Variants in OGG1 observed in about 807,000 individuals in gnomAD.
OGG1 encodes the protein 8-oxoguanine DNA glycosylase, also known as N-glycosylase/DNA lyase.
Under a neutral mutation model 42.3 loss-of-function variants are expected in OGG1, and 35 were observed. That is an observed-to-expected ratio of 0.83 (90% CI 0.63 to 1.10). The LOEUF (loss-of-function observed/expected upper bound fraction) is 1.10, where lower values mean the gene tolerates loss of function less well. OGG1 is among the 50% of genes least tolerant of loss of function. OGG1 has a pLI of 0.00. For synonymous variants in OGG1, 189 were observed against 179.0 expected (o/e 1.06, Z -0.44); for missense variants, 484 against 446.7 (o/e 1.08, Z -0.75).
exon 8 of OGG1, chr3:9,766,666 A>T: frequency 5.8e-6 from 6 of 1,035,004 alleles, no homozygotes; most frequent in Non-Finnish European, 7.0e-6. Context: ...CTGATTAAAG[A>T]GGATTTGCTA....
chr3:9,760,793 A>G, downstream of OGG1: 1 of 1,613,532 alleles, frequency 6.2e-7, no homozygotes, highest in Non-Finnish European at 8.5e-7. Context: ...ACTCATCCTC[A>G]TTTCCACTTT....
intron 7 of OGG1, among the ~76,000 whole-genome samples, chr3:9,764,336 C>T (rs185252836): frequency 5.9e-5 from 9 of 152,104 alleles, no homozygotes; most frequent in Admixed American, 5.2e-4. Context: ...ACTCTTGTTG[C>T]TCAGGCTGGA....
downstream of OGG1, among the ~76,000 whole-genome samples, chr3:9,768,310 T>C (rs1559706943): frequency 6.6e-6 from 1 of 152,198 alleles, no homozygotes; most frequent in Non-Finnish European, 1.5e-5. Flanking sequence ...CTTTCTGCAC[T>C]GTTACCACAG....
exon 8 of OGG1, chr3:9,765,874 C>T: frequency 6.2e-7 from 1 of 1,614,112 alleles, no homozygotes. Flanking sequence ...GCCAGGATCA[C>T]CTCCGAGAAG....
At chr3:9,787,599 C>T (rs922256937) in intron 3 of OGG1, 27 of 1,102,504 alleles carry the variant, frequency 2.4e-5, no homozygotes, top group Admixed American at 7.5e-5. Flanking sequence ...GTGCAGAATA[C>T]GTACACAGAT....
chr3:9,788,410 TA>T (rs1414118811), downstream of OGG1, among the ~76,000 whole-genome samples: 1 of 152,012 alleles, frequency 6.6e-6, no homozygotes, highest in Non-Finnish European at 1.5e-5. Context: ...CACGCCCGGC[TA>T]ATTTTTTCTA....
downstream of OGG1, chr3:9,759,244 A>G (rs2077732639): frequency 1.2e-6 from 2 of 1,614,216 alleles, no homozygotes; most frequent in Non-Finnish European, 1.7e-6. Flanking sequence ...GCTGGATCAG[A>G]TGCCTCCTGA....
In OGG1 at chr3:9,754,866, T is replaced by C; in HGVS notation, c.728T>C (p.Leu243Pro). The C allele has an allele frequency of 6.2e-7, 1 of 1,600,706 alleles. No homozygotes were observed. Among genetic ancestry groups the C allele is most frequent in the Non-Finnish European group, 8.5e-7 (1 of 1,173,328 alleles). Residue 243 changes from leucine (L) to proline (P), a missense_variant, in exon 4 of 7, where the codon CTG (leucine) becomes CCG (proline). Coordinates refer to ENST00000344629, the MANE Select transcript of OGG1 (RefSeq NM_002542.6). ...GAGGCCCACAAGGCCCTCTGCATCCTGCCTGGAGTGGGCACCAAGGTGAGG... is the reference window on the plus strand; with the variant it reads ...GAGGCCCACAAGGCCCTCTGCATCCCGCCTGGAGTGGGCACCAAGGTGAGG... The part of the protein sequence containing the change: ...YEEAHKALCI[L>P]PGVGTKVADC...
chr3:9,784,667 C>A (rs1446737750), intron 3 of OGG1, among the ~76,000 whole-genome samples: 2 of 151,898 alleles, frequency 1.3e-5, no homozygotes, highest in Non-Finnish European at 2.9e-5. Context: ...GAGTTCAAGA[C>A]CAGCCCGGCC....
At chr3:9,753,496 CA>C (rs1163301781) in intron 3 of OGG1, among the ~76,000 whole-genome samples, 1 of 151,258 alleles carries the variant, frequency 6.6e-6, no homozygotes, top group African/African-American at 2.4e-5. Flanking sequence ...ACTAAAAATA[CA>C]AAAAAAATTA....
At chr3:9,764,845 G>A (rs1206111643) in intron 7 of OGG1, among the ~76,000 whole-genome samples, 1 of 151,750 alleles carries the variant, frequency 6.6e-6, no homozygotes, top group East Asian at 1.9e-4. Context: ...TTGGTCAGGC[G>A]ATAATTGATC....
chr3:9,760,692 A>T, downstream of OGG1: 1 of 1,613,974 alleles, frequency 6.2e-7, no homozygotes, highest in Non-Finnish European at 8.5e-7. Context: ...GGAGAGTCAA[A>T]CTCGTACTCG....
chr3:9,751,395 C>G (rs1448150944), intron 2 of OGG1, among the ~76,000 whole-genome samples: 1 of 152,166 alleles, frequency 6.6e-6, no homozygotes, highest in Non-Finnish European at 1.5e-5. Context: ...CTGCTAATCA[C>G]CATAGTGAAG....
intron 7 of OGG1, among the ~76,000 whole-genome samples, chr3:9,763,805 G>C (rs2078008088): frequency 3.3e-5 from 5 of 152,058 alleles, no homozygotes. Flanking sequence ...GGCCAACATG[G>C]CGAAAACCCA....
chr3:9,786,259 G>C (rs2078607702), intron 3 of OGG1, among the ~76,000 whole-genome samples: 1 of 152,124 alleles, frequency 6.6e-6, no homozygotes, highest in African/African-American at 2.4e-5. Flanking sequence ...TATTCTGTGG[G>C]ACTGGAGTGA....
intron 3 of OGG1, among the ~76,000 whole-genome samples, chr3:9,782,087 C>T (rs1254819634): frequency 6.6e-6 from 1 of 152,140 alleles, no homozygotes; most frequent in African/African-American, 2.4e-5. Flanking sequence ...AGCCTCCCAC[C>T]TCAGTCTCCC....
chr3:9,780,568 C>T (rs778401325), intron 2 of OGG1: 3 of 1,593,448 alleles, frequency 1.9e-6, no homozygotes, highest in Admixed American at 1.7e-5. Flanking sequence ...ACCAGCCAGC[C>T]AGGTGCCAGG....
At chr3:9,785,321 G>C in intron 3 of OGG1, 1 of 1,613,004 alleles carries the variant, frequency 6.2e-7, no homozygotes, top group Non-Finnish European at 8.5e-7. Context: ...CTCACCTGAA[G>C]GGCTTGTTCT....
chr3:9,787,684 T>C, intron 3 of OGG1: 1 of 1,341,038 alleles, frequency 7.5e-7, no homozygotes, highest in East Asian at 4.5e-5. Flanking sequence ...AATTACCTTT[T>C]GTATTGCTTG....
Sources: allele counts gnomAD v4.1 joint callset (sites outside exome capture counted in the v4.1 genomes callset), GRCh38; gene constraint gnomAD v4.1.1; transcripts MANE v1.5; gene names NCBI Gene and HGNC (gene_info 2026-07-23, HGNC 2026-07-21).